NEK11: variants seen among roughly 807,000 people sequenced by gnomAD.
NEK11 encodes the protein serine/threonine-protein kinase Nek11.
In NEK11, 72 loss-of-function variants were observed where a neutral mutation model predicts 80.7. The ratio of observed to expected loss-of-function variants is 0.89; its 90% CI spans 0.74 to 1.08. The LOEUF (loss-of-function observed/expected upper bound fraction) is 1.08, where lower values mean the gene tolerates loss of function less well. Among genes scored for constraint, NEK11 ranks in the 50% least tolerant of loss-of-function variants. The pLI, the probability that NEK11 is intolerant of heterozygous loss-of-function variation, is 0.00. For missense variants in NEK11, 764 were observed against 763.6 expected (o/e 1.00, Z -0.01); for synonymous variants, 251 against 260.7 (o/e 0.96, Z 0.36).
intron 17 of NEK11, among the ~76,000 whole-genome samples, chr3:131,322,497 C>T (rs1465533463): frequency 2.6e-5 from 4 of 152,198 alleles, no homozygotes; most frequent in African/African-American, 9.7e-5. Flanking sequence ...GTTGTAACTA[C>T]TTTCTAGAGT....
At chr3:131,344,391 G>A (rs942934385) in intron 17 of NEK11, among the ~76,000 whole-genome samples, 5 of 152,120 alleles carry the variant, frequency 3.3e-5, no homozygotes, top group African/African-American at 7.2e-5. Context: ...TCAGCATTTT[G>A]GTCACAACCA....
chr3:131,155,943 G>A (rs536134684), intron 10 of NEK11, among the ~76,000 whole-genome samples: 8 of 152,202 alleles, frequency 5.3e-5, no homozygotes, highest in South Asian at 4.1e-4. Context: ...ATTTTTAGAC[G>A]TGTTCTTAAT....
chr3:131,313,325 G>C (rs1392564225), intron 17 of NEK11, among the ~76,000 whole-genome samples: 3 of 151,976 alleles, frequency 2.0e-5, no homozygotes, highest in Non-Finnish European at 2.9e-5. Flanking sequence ...ATATTCCTTT[G>C]GTTACATACC....
chr3:131,083,010 G>C (rs1387201122), intron 4 of NEK11, among the ~76,000 whole-genome samples: 3 of 152,162 alleles, frequency 2.0e-5, no homozygotes, highest in African/African-American at 7.2e-5. Context: ...GGTTCTCAAA[G>C]TGTGACCCCA....
chr3:131,060,318 A>C (rs2070612375), intron 3 of NEK11, among the ~76,000 whole-genome samples: 1 of 152,228 alleles, frequency 6.6e-6, no homozygotes, highest in Non-Finnish European at 1.5e-5. Context: ...ATTGGAGGCC[A>C]TTTTTAGTGA....
Position 131,165,438 on chromosome 3 carries a change from A to G in NEK11, c.1095A>G (p.Glu365=), listed in dbSNP as rs1342967039. 1.2e-6 allele frequency: 2 copies of G among 1,608,162 alleles called. No homozygotes were observed. The highest frequency in any genetic ancestry group is 2.2e-5 in the East Asian group (1 of 44,838). Residue 365 remains glutamate (E), a synonymous_variant, in exon 12 of 18, where the codon GAA becomes GAG. Coordinates refer to ENST00000383366, the MANE Select transcript of NEK11 (RefSeq NM_024800.5). ...EKARKLKKIV[E]EKYEENSKRM... is the part of the protein sequence containing the mutation. ...TTTAAATTTACAGAAAGATTGTGGA[A>G]GAAAAATATGAAGAAAATAGCAAAC...
chr3:131,173,679 T>G (rs1426705204), intron 14 of NEK11, among the ~76,000 whole-genome samples: 1 of 151,732 alleles, frequency 6.6e-6, no homozygotes, highest in East Asian at 1.9e-4. Context: ...AAAGGCAGAG[T>G]CTTTGTCATG....
intron 5 of NEK11, among the ~76,000 whole-genome samples, chr3:131,130,733 G>T (rs902378251): frequency 1.3e-5 from 2 of 152,118 alleles, no homozygotes; most frequent in Non-Finnish European, 2.9e-5. Flanking sequence ...AAGTGTTAAA[G>T]CAGCCTTGCA....
chr3:131,034,516 C>T lies in NEK11; in HGVS notation c.170+4638C>T, dbSNP rs527825010. Among the ~76,000 whole-genome samples the T allele has an allele frequency of 3.9e-5, 6 of 152,300 alleles. No homozygotes were observed. The South Asian group carries it at 1.2e-3, about 32-fold the overall frequency. On this transcript the variant is annotated intron_variant, in intron 3 of 17. Transcript: ENST00000383366. ...CCGGCTTCACGCCATTCTCCTGCCT[C>T]AGCCTCCCGAGTAGCTGGGACTACA...
chr3:131,065,913 A>G (rs1013592801), intron 3 of NEK11, among the ~76,000 whole-genome samples: 1 of 152,182 alleles, frequency 6.6e-6, no homozygotes, highest in Non-Finnish European at 1.5e-5. Context: ...AAGTGAGGAT[A>G]TTGTTAGGGA....
intron 17 of NEK11, among the ~76,000 whole-genome samples, chr3:131,332,194 C>A (rs569174883): frequency 3.9e-5 from 6 of 152,324 alleles, no homozygotes; most frequent in Admixed American, 3.9e-4. Context: ...GACCCCTGAG[C>A]AACCTAACTG....
intron 11 of NEK11, among the ~76,000 whole-genome samples, chr3:131,163,891 G>A (rs2091928372): frequency 1.3e-5 from 2 of 152,160 alleles, no homozygotes; most frequent in Admixed American, 1.3e-4. Context: ...ACTGATTTAT[G>A]TGTTGGTAGG....
At chr3:131,080,033 G>GTGTT (rs1177016206) in intron 3 of NEK11, among the ~76,000 whole-genome samples, 31 of 81,320 alleles carry the variant, frequency 3.8e-4, no homozygotes, top group African/African-American at 1.1e-3. Flanking sequence ...ATATGTGTGT[G>GTGTT]TGTGTTTGTG....
chr3:131,066,108 T>C (rs2071889202), intron 3 of NEK11, among the ~76,000 whole-genome samples: 1 of 152,218 alleles, frequency 6.6e-6, no homozygotes, highest in African/African-American at 2.4e-5. Flanking sequence ...GCTGAAATCA[T>C]GATATACCAC....
chr3:131,346,255 C>T (rs1191462725), intron 17 of NEK11, among the ~76,000 whole-genome samples: 1 of 151,968 alleles, frequency 6.6e-6, no homozygotes, highest in African/African-American at 2.4e-5. Context: ...CTATAGTAAC[C>T]ATTTTATTAT....
At chr3:131,300,822 A>G (rs1253911314) in intron 17 of NEK11, among the ~76,000 whole-genome samples, 1 of 152,118 alleles carries the variant, frequency 6.6e-6, no homozygotes, top group East Asian at 1.9e-4. Context: ...TGATGCCTCT[A>G]ACTTTGTTCT....
chr3:131,072,011 A>G (rs962682653), intron 3 of NEK11, among the ~76,000 whole-genome samples: 1 of 152,214 alleles, frequency 6.6e-6, no homozygotes, highest in Non-Finnish European at 1.5e-5. Flanking sequence ...ACTGTACTAC[A>G]TTCTCTACCC....
At chr3:131,199,503 T>G (rs2094149224) in intron 14 of NEK11, among the ~76,000 whole-genome samples, 1 of 152,102 alleles carries the variant, frequency 6.6e-6, no homozygotes. Flanking sequence ...AGAAATATTT[T>G]ACAACTTTTT....
At chr3:131,194,946 C>T (rs1269701750) in intron 14 of NEK11, among the ~76,000 whole-genome samples, 1 of 152,122 alleles carries the variant, frequency 6.6e-6, no homozygotes, top group Non-Finnish European at 1.5e-5. Flanking sequence ...TCAACACTGT[C>T]ATCTATAACA....
Sources: gnomAD v4.1 joint callset for allele counts (sites outside exome capture counted in the v4.1 genomes callset) on GRCh38, gnomAD v4.1.1 for gene constraint, MANE v1.5 for transcripts, NCBI Gene and HGNC (gene_info 2026-07-23, HGNC 2026-07-21) for gene names.